Variants in PRDM2 observed in about 807,000 individuals in gnomAD.
The protein encoded by PRDM2 is PR/SET domain 2, also known as PR domain zinc finger protein 2.
In PRDM2, 30 loss-of-function variants were observed where a neutral mutation model predicts 130.0. The observed-to-expected ratio is 0.23, with a 90% CI of 0.17 to 0.31. PRDM2 has a LOEUF of 0.31. Among genes scored for constraint, PRDM2 ranks in the 10% least tolerant of loss-of-function variants. The pLI, the probability that PRDM2 is intolerant of heterozygous loss-of-function variation, is 1.00. For synonymous variants in PRDM2, 871 were observed against 782.4 expected, an observed-to-expected ratio of 1.11 and a Z score of -1.89; for missense variants, 2,011 against 2,108.4, an observed-to-expected ratio of 0.95 and a Z score of 0.90.
At chr1:13,741,035 T>A (rs1402328980) in intron 4 of PRDM2, among the ~76,000 whole-genome samples, 11 of 152,236 alleles carry the variant, frequency 7.2e-5, no homozygotes, top group Admixed American at 7.2e-4. Flanking sequence ...AGTAAAAGAC[T>A]CATTTCTTTT....
In PRDM2 at chr1:13,823,171, C is replaced by A. The variant is rs759533383; in HGVS notation, c.*36C>A. On this transcript the variant is annotated 3_prime_UTR_variant, in exon 10 of 10. Coordinates refer to ENST00000311066, the MANE Select transcript of PRDM2 (RefSeq NM_001393986.1). ...TTTTTCTCCTCAGCACCTGAAGTGA[C>A]CTGGAATCAGTGAAGCCAAAGGGAC... 3 of 1,613,326 alleles carry A rather than the reference C, an allele frequency of 1.9e-6. No individual in the cohort carries two copies. The highest frequency in any genetic ancestry group is 2.5e-6 in the Non-Finnish European group (3 of 1,179,492).
Position 13,782,800 on chromosome 1 carries a change from G to C in PRDM2, c.5005G>C (p.Gly1669Arg). Residue 1669 changes from glycine to arginine, a missense_variant, in exon 8 of 10, where the codon GGC (glycine) becomes CGC (arginine). This residue lies in a region of PRDM2 where 410 missense variants were observed against 395.9 expected (regional missense o/e 1.04). Coordinates refer to ENST00000311066, the MANE Select transcript of PRDM2 (RefSeq NM_001393986.1). ...CTTGAGTGAGAACAAGAGAGAGGAC[G>C]GCAGCGCCAAGCAGGAGCTGAAGGA... Reference protein sequence around the residue: ...ADLSENKREDGSAKQELKDFS... With the variant: ...ADLSENKREDRSAKQELKDFS... The C allele has an allele frequency of 6.2e-7, 1 of 1,608,692 alleles. No homozygotes were observed. Among genetic ancestry groups the C allele is most frequent in the Non-Finnish European group, 8.5e-7 (1 of 1,178,794 alleles).
Position 13,816,910 on chromosome 1 carries a change from CT to C in PRDM2, c.*23+341del, listed in dbSNP as rs1415029677. ...TACGAGTGTCAAATGTGCGAAGCACCTAGAAGAGTGTCTGTCACATAGTAAG... is the reference window on the plus strand; with the variant it reads ...TACGAGTGTCAAATGTGCGAAGCACCAGAAGAGTGTCTGTCACATAGTAAG... On this transcript the variant is annotated intron_variant, in intron 9 of 9. Transcript: ENST00000311066. Among the ~76,000 whole-genome samples the C allele has an allele frequency of 1.3e-5, 2 of 152,160 alleles. 1 individual carries two copies. The highest frequency in any genetic ancestry group is 2.9e-5 in the Non-Finnish European group (2 of 68,028).
chr1:13,800,051 T>G (rs1644983005), intron 8 of PRDM2, among the ~76,000 whole-genome samples: 1 of 152,250 alleles, frequency 6.6e-6, no homozygotes, highest in Non-Finnish European at 1.5e-5. Flanking sequence ...AGAAAGGCAG[T>G]GCAGATCTTG....
chr1:13,740,612 C>G lies in PRDM2; in HGVS notation c.232-1393C>G, dbSNP rs569065559. Among the ~76,000 whole-genome samples, 176 of 152,246 alleles carry G rather than the reference C, an allele frequency of 1.2e-3. 3 individuals carry two copies. In the South Asian group the frequency reaches 0.036, roughly 31 times the overall value. On this transcript the variant is annotated intron_variant, in intron 4 of 9. Coordinates refer to ENST00000311066, the MANE Select transcript of PRDM2 (RefSeq NM_001393986.1). ...GAAGACAAGGAGATCTGAGTCGAAG[C>G]CTTTCTTTATGACAATTAAACAGGT... is the stretch of plus-strand genomic sequence containing the variant.
Position 13,803,900 on chromosome 1 carries a change from T to C in PRDM2, c.5037-12527T>C, listed in dbSNP as rs1163224398. 6.6e-6 allele frequency among the ~76,000 whole-genome samples: 1 copy of C among 152,042 alleles called. No individual in the cohort carries two copies. Among genetic ancestry groups the C allele is most frequent in the African/African-American group, 2.4e-5 (1 of 41,398 alleles). On this transcript the variant is annotated intron_variant, in intron 8 of 9. Transcript: ENST00000311066. This position sits in a 1 kb window ranked among gnomAD's most constrained non-coding sequence, Gnocchi z 6.2. ...CTCCACAAAGCAGGGGCGTGATTGA[T>C]CTTTTGGGAGCGTGGAGGCCACATT...
intron 5 of PRDM2, among the ~76,000 whole-genome samples, chr1:13,744,066 A>G (rs1479358784): frequency 1.3e-5 from 2 of 152,206 alleles, no homozygotes; most frequent in Non-Finnish European, 2.9e-5. Context: ...GAGACAATCA[A>G]GGTAATAGGA....
At chr1:13,701,905 G>C (rs1265393695) in intron 1 of PRDM2, among the ~76,000 whole-genome samples, 1 of 152,180 alleles carries the variant, frequency 6.6e-6, no homozygotes, top group Non-Finnish European at 1.5e-5. Context: ...TGAAAGGTTG[G>C]TATGTTCAGG....
intron 6 of PRDM2, among the ~76,000 whole-genome samples, chr1:13,758,308 G>T (rs1644009954): frequency 6.6e-6 from 1 of 151,848 alleles, no homozygotes; most frequent in Non-Finnish European, 1.5e-5. Context: ...GCTGGGCGTG[G>T]TGGTGGCTGG....
rs1350170140 is a variant in PRDM2, at chr1:13,816,553, C to A, written c.*6C>A. On this transcript the variant is annotated 3_prime_UTR_variant, in exon 9 of 10. Transcript: ENST00000311066. ...GACCATTCTTCAAAGAGTAGACACT[C>A]TGGCTGCTCCCTGACAGGTACGAGG... is the stretch of plus-strand genomic sequence containing the variant. 5 of 1,614,144 alleles carry A rather than the reference C, an allele frequency of 3.1e-6. No homozygotes were observed. The highest frequency in any genetic ancestry group is 4.2e-6 in the Non-Finnish European group (5 of 1,180,022).
In PRDM2 at chr1:13,781,833, G is replaced by C; in HGVS notation, c.4038G>C (p.Pro1346=). ...TKCGKGVDNM[P]ELHKHILACA... ...GTGGAAAAGGTGTCGACAATATGCC[G>C]GAGTTGCACAAACATATCCTGGCTT... Residue 1346 remains proline (P), a synonymous_variant, in exon 8 of 10, where the codon CCG becomes CCC. Coordinates refer to ENST00000311066, the MANE Select transcript of PRDM2 (RefSeq NM_001393986.1). This position sits in a 1 kb window ranked among gnomAD's most constrained non-coding sequence, Gnocchi z 6.1. 1 of 1,614,090 alleles carries C rather than the reference G, an allele frequency of 6.2e-7. No homozygotes were observed. Among genetic ancestry groups the C allele is most frequent in the Non-Finnish European group, 8.5e-7 (1 of 1,180,018 alleles).
chr1:13,782,913 C>CTTTT (rs35153743), intron 8 of PRDM2, 82 bp downstream of exon 8: 2 of 1,448,990 alleles, frequency 1.4e-6, no homozygotes, highest in South Asian at 2.6e-5. Context: ...TTTCTTGTTG[C>CTTTT]TTTTTTTTTT....
chr1:13,776,822 C>G (rs1041892573), intron 7 of PRDM2, among the ~76,000 whole-genome samples: 4 of 152,150 alleles, frequency 2.6e-5, no homozygotes, highest in African/African-American at 9.7e-5. Context: ...CAGCCTCAGT[C>G]GTGGAGTCAT....
intron 5 of PRDM2, 89 bp from the exon 6 acceptor site, chr1:13,749,272 C>A (rs907134399): frequency 1.6e-6 from 2 of 1,215,484 alleles, no homozygotes; most frequent in Non-Finnish European, 2.1e-6. Context: ...CCATCGGCGC[C>A]GCTCCCGCCC....
At chr1:13,744,229 G>C (rs1021617390) in intron 5 of PRDM2, among the ~76,000 whole-genome samples, 5 of 152,226 alleles carry the variant, frequency 3.3e-5, no homozygotes, top group Non-Finnish European at 7.3e-5. Context: ...GAACTCTGAA[G>C]CCAGACTGCC....
rs373292998 is a variant in PRDM2, at chr1:13,782,701, C to T, written c.4906C>T (p.Arg1636Trp). The T allele has an allele frequency of 1.2e-4, 192 of 1,613,830 alleles. No homozygotes were observed. The highest frequency in any genetic ancestry group is 1.5e-4 in the Non-Finnish European group (182 of 1,179,994). ...STLASKKRTD[R>W]FNIKSRERSG... ...CTTGGCGAGTAAGAAAAGAACAGAC[C>T]GGTTCAATATAAAATCTAGAGAGCG... is the stretch of plus-strand genomic sequence containing the variant. Residue 1636 changes from arginine to tryptophan, a missense_variant, in exon 8 of 10, where the codon CGG (arginine) becomes TGG (tryptophan). Physicochemically the swap from Arg to Trp is moderately radical, Grantham distance 101 (BLOSUM62 -3). This residue lies in a region of PRDM2 where 410 missense variants were observed against 395.9 expected (regional missense o/e 1.04). Coordinates refer to ENST00000311066, the MANE Select transcript of PRDM2 (RefSeq NM_001393986.1).
intron 6 of PRDM2, 113 bp downstream of exon 6, chr1:13,749,600 G>C (rs951777654): frequency 1.5e-6 from 1 of 652,320 alleles, no homozygotes; most frequent in East Asian, 1.4e-4. Flanking sequence ...GGGCTCGGGC[G>C]GCGGCGCCCG....
intron 6 of PRDM2, among the ~76,000 whole-genome samples, chr1:13,754,227 A>G (rs575427812): frequency 1.1e-3 from 164 of 152,216 alleles, no homozygotes; most frequent in African/African-American, 3.9e-3. Flanking sequence ...GCAAATGGAC[A>G]TATATTGGCC....
At chr1:13,795,567 G>T (rs1411262944) in intron 8 of PRDM2, among the ~76,000 whole-genome samples, 2 of 152,230 alleles carry the variant, frequency 1.3e-5, no homozygotes. Context: ...AATGTGACTT[G>T]TAAGCACCTT....
Sources: allele counts gnomAD v4.1 joint callset (sites outside exome capture counted in the v4.1 genomes callset), GRCh38; gene constraint gnomAD v4.1.1; regional missense constraint gnomAD v4.1.1; non-coding constraint Gnocchi (gnomAD v3.1); transcripts MANE v1.5; gene names NCBI Gene and HGNC (gene_info 2026-07-23, HGNC 2026-07-21).